The following CELF2 variants were observed in gnomAD, a reference collection of about 807,000 sequenced individuals.
CELF2 encodes CUGBP Elav-like family member 2, also known as CUG triplet repeat RNA-binding protein 2.
Under a neutral mutation model 62.6 loss-of-function variants are expected in CELF2, and 8 were observed. That is an observed-to-expected ratio of 0.13 (90% CI 0.07 to 0.23). The LOEUF is 0.23. Ranked by LOEUF, CELF2 falls within the 10% of genes least tolerant of loss-of-function variation. CELF2 has a pLI of 1.00. For missense variants in CELF2, 333 were observed against 671.0 expected, an observed-to-expected ratio of 0.50 and a Z score of 5.56; for synonymous variants, 258 against 250.0, an observed-to-expected ratio of 1.03 and a Z score of -0.30.
At chr10:10,660,252 G>T in the CELF2 span, among the ~76,000 whole-genome samples, 1 of 152,202 alleles carries the variant, frequency 6.6e-6, no homozygotes, top group African/African-American at 2.4e-5. Flanking sequence ...CAATAGCTAT[G>T]TATGATGTCA....
At chr10:10,520,103 C>T in the CELF2 span, among the ~76,000 whole-genome samples, 2 of 152,144 alleles carry the variant, frequency 1.3e-5, no homozygotes, top group Admixed American at 1.3e-4. Flanking sequence ...AGTAGACTAC[C>T]ATGGAAGAAT....
intron 1 of CELF2, among the ~76,000 whole-genome samples, chr10:11,089,197 A>G (rs1219299079): frequency 4.6e-5 from 7 of 152,182 alleles, no homozygotes; most frequent in African/African-American, 1.4e-4. Flanking sequence ...TCACGTTGCA[A>G]AAGAGCATGT....
the CELF2 span, among the ~76,000 whole-genome samples, chr10:10,516,707 T>C: frequency 9.1e-4 from 136 of 148,934 alleles, no homozygotes; most frequent in African/African-American, 3.3e-3. Flanking sequence ...AGAGAGAAGA[T>C]GGCAGAAAAT....
At position 11,300,429 on chromosome 10, in the gene CELF2, G is replaced by A. The variant is rs1476187516; in HGVS notation, c.976+11877G>A. Reference sequence around the variant, plus strand: ...GAAGCAGAACTGGCAGCAGAAGAGAGGGGCACCAATGTCTCTGGGGAAGGT... The same window carrying A: ...GAAGCAGAACTGGCAGCAGAAGAGAAGGGCACCAATGTCTCTGGGGAAGGT... On this transcript the variant is annotated intron_variant, in intron 9 of 12. Coordinates refer to ENST00000633077, the MANE Select transcript of CELF2 (RefSeq NM_001326342.2). This position sits in a 1 kb window ranked among gnomAD's most constrained non-coding sequence, Gnocchi z 5.5. Among the ~76,000 whole-genome samples, 1 of 152,196 alleles carries A rather than the reference G, an allele frequency of 6.6e-6. No individual in the cohort carries two copies. Among genetic ancestry groups the A allele is most frequent in the Non-Finnish European group, 1.5e-5 (1 of 68,030 alleles).
chr10:11,070,083 CTTGTT>C (rs774297950), intron 1 of CELF2, among the ~76,000 whole-genome samples: 1 of 152,122 alleles, frequency 6.6e-6, no homozygotes, highest in Non-Finnish European at 1.5e-5. Context: ...TGTTTGTACT[CTTGTT>C]TTATTCTCTA....
chr10:10,714,353 T>C, the CELF2 span, among the ~76,000 whole-genome samples: 4 of 152,212 alleles, frequency 2.6e-5, no homozygotes, highest in African/African-American at 9.7e-5. Flanking sequence ...AAGAATGCAG[T>C]GCAATTACTA....
At chr10:11,153,052 G>A (rs930203872) in intron 1 of CELF2, among the ~76,000 whole-genome samples, 1 of 152,130 alleles carries the variant, frequency 6.6e-6, no homozygotes, top group Admixed American at 6.5e-5. Flanking sequence ...AAAATTTTAC[G>A]ACCAAGTGAA....
intron 2 of CELF2, among the ~76,000 whole-genome samples, chr10:10,992,486 T>A (rs1215405963): frequency 6.6e-6 from 1 of 152,210 alleles, no homozygotes; most frequent in African/African-American, 2.4e-5. Context: ...ACTCACTCTA[T>A]TGTACTATAA....
the CELF2 span, among the ~76,000 whole-genome samples, chr10:10,680,566 G>A: frequency 3.5e-4 from 53 of 152,336 alleles, no homozygotes; most frequent in African/African-American, 1.2e-3. Context: ...GTTGTCCAGA[G>A]TTCTTATTAG....
At chr10:11,312,678 G>A (rs1411917750) in intron 9 of CELF2, among the ~76,000 whole-genome samples, 4 of 152,258 alleles carry the variant, frequency 2.6e-5, no homozygotes, top group African/African-American at 4.8e-5. Flanking sequence ...GCTCACACCT[G>A]TAATCCCAGC....
chr10:11,207,782 A>G lies in CELF2; in HGVS notation c.272-9643A>G, dbSNP rs115461945. On this transcript the variant is annotated intron_variant, in intron 2 of 12. Transcript: ENST00000633077. The surrounding 1 kb of genome is among the most constrained non-coding windows in gnomAD (Gnocchi z 4.1). ...CAGGGTGCCAATTATATCAAACTCT[A>G]TAAAACTAAGCTAATTGGATACGGT... Among the ~76,000 whole-genome samples, 247 of 152,358 alleles carry G rather than the reference A, an allele frequency of 1.6e-3. 2 individuals are homozygous for G. The highest frequency in any genetic ancestry group is 4.9e-3 in the African/African-American group (204 of 41,584).
intron 2 of CELF2, chr10:10,920,131 A>G (rs2064749102): frequency 1.8e-6 from 1 of 564,892 alleles, no homozygotes; most frequent in African/African-American, 1.9e-5. Context: ...CTCATACATC[A>G]CCATGTAAAT....
At chr10:10,666,148 T>G in the CELF2 span, among the ~76,000 whole-genome samples, 1 of 152,174 alleles carries the variant, frequency 6.6e-6, no homozygotes, top group Middle Eastern at 3.2e-3. Context: ...AGCCTGAGAG[T>G]GCAAATTTCA....
chr10:10,558,833 A>G, the CELF2 span, among the ~76,000 whole-genome samples: 61 of 152,236 alleles, frequency 4.0e-4, no homozygotes, highest in African/African-American at 1.3e-3. Context: ...AGAGGGGTTT[A>G]TAGTATTCTC....
the CELF2 span, among the ~76,000 whole-genome samples, chr10:10,514,542 G>A: frequency 6.6e-6 from 1 of 152,324 alleles, no homozygotes; most frequent in East Asian, 1.9e-4. Context: ...AAGCTTCCTG[G>A]CACTTCCTGA....
chr10:10,780,454 CGTTT>C, the CELF2 span, among the ~76,000 whole-genome samples: 69,676 of 148,770 alleles, frequency 0.47, 16,658 homozygotes, highest in Middle Eastern at 0.63. Context: ...CAGAGGGAAA[CGTTT>C]GTTTGTTTGT....
the CELF2 span, among the ~76,000 whole-genome samples, chr10:10,726,876 T>A: frequency 6.6e-6 from 1 of 152,302 alleles, no homozygotes; most frequent in East Asian, 1.9e-4. Flanking sequence ...TTTAATTGGC[T>A]CACGGTTCTG....
chr10:10,658,544 C>T, the CELF2 span, among the ~76,000 whole-genome samples: 2 of 152,172 alleles, frequency 1.3e-5, no homozygotes, highest in East Asian at 3.8e-4. Flanking sequence ...CTGCATCCCT[C>T]TTCTAGGAAA....
intron 1 of CELF2, among the ~76,000 whole-genome samples, chr10:10,810,775 C>A (rs763483903): frequency 3.9e-5 from 6 of 152,154 alleles, no homozygotes; most frequent in Admixed American, 6.5e-5. Flanking sequence ...GTCATGCCAA[C>A]AAGAAGTGGG....
Sources: gnomAD v4.1 joint callset for allele counts (sites outside exome capture counted in the v4.1 genomes callset) on GRCh38, gnomAD v4.1.1 for gene constraint, Gnocchi (gnomAD v3.1) non-coding constraint, MANE v1.5 for transcripts, NCBI Gene and HGNC (gene_info 2026-07-23, HGNC 2026-07-21) for gene names.